The following DIP2C variants were observed in gnomAD, a reference collection of about 807,000 sequenced individuals.
The protein encoded by DIP2C is disco-interacting protein 2 homolog C.
In DIP2C, 33 loss-of-function variants were observed where a neutral mutation model predicts 192.4. The observed-to-expected ratio is 0.17, with a 90% CI of 0.13 to 0.23. The LOEUF (loss-of-function observed/expected upper bound fraction) is 0.23, where lower values mean the gene tolerates loss of function less well. Ranked by LOEUF, DIP2C falls within the 10% of genes least tolerant of loss-of-function variation. The probability of loss-of-function intolerance (pLI) is 1.00; values close to 1 mark genes in which losing one functional copy is unlikely to be tolerated. For missense variants in DIP2C, 1,537 were observed against 2,110.1 expected, an observed-to-expected ratio of 0.73 and a Z score of 5.32; for synonymous variants, 979 against 864.1, an observed-to-expected ratio of 1.13 and a Z score of -2.33.
chr10:440,494 C>T (rs181813507), intron 4 of DIP2C, among the ~76,000 whole-genome samples: 5 of 152,286 alleles, frequency 3.3e-5, no homozygotes, highest in African/African-American at 1.2e-4. Context: ...AACAATATAG[C>T]ACATTTATAT....
intron 35 of DIP2C, chr10:282,021 C>T (rs1410208633): frequency 1.3e-5 from 2 of 152,222 alleles, no homozygotes; most frequent in African/African-American, 4.8e-5. Flanking sequence ...AAAATAACAT[C>T]AGAGTTAAGT....
At chr10:288,923 G>T (rs893765397) in intron 32 of DIP2C, among the ~76,000 whole-genome samples, 2 of 152,192 alleles carry the variant, frequency 1.3e-5, no homozygotes, top group African/African-American at 4.8e-5. Flanking sequence ...ACTCAGAAAA[G>T]AAACTCTTAC....
chr10:607,593 A>G (rs901299578), intron 1 of DIP2C, among the ~76,000 whole-genome samples: 3 of 152,208 alleles, frequency 2.0e-5, no homozygotes, highest in African/African-American at 7.2e-5. Context: ...TCCTAAATAG[A>G]AAGTGCATTT....
chr10:662,225 C>A (rs1308317824), intron 1 of DIP2C: 1 of 662,450 alleles, frequency 1.5e-6, no homozygotes, highest in African/African-American at 1.8e-5. Flanking sequence ...TGCTCTCATT[C>A]CTGGGTTCCT....
intron 1 of DIP2C, among the ~76,000 whole-genome samples, chr10:532,650 TGAGAGAGAGTATGGGTGTGA>T (rs1847457782): frequency 2.1e-5 from 2 of 97,384 alleles, no homozygotes; most frequent in African/African-American, 1.1e-4. Flanking sequence ...AGTATGGGTG[TGAGAGAGAGTATGGGTGTGA>T]GAGAGAGTAT....
chr10:594,008 C>G (rs922760240), intron 1 of DIP2C, among the ~76,000 whole-genome samples: 3 of 152,200 alleles, frequency 2.0e-5, no homozygotes, highest in African/African-American at 7.2e-5. Flanking sequence ...GGAACCAGTG[C>G]CAACCAATTC....
chr10:292,478 T>C (rs1051742122), intron 32 of DIP2C, among the ~76,000 whole-genome samples: 3 of 152,100 alleles, frequency 2.0e-5, no homozygotes, highest in Admixed American at 6.5e-5. Context: ...AGATAGAGAG[T>C]TGACATGAGG....
intron 17 of DIP2C, chr10:369,927 C>G: frequency 7.8e-7 from 1 of 1,278,310 alleles, no homozygotes; most frequent in Non-Finnish European, 1.0e-6. Context: ...CACAGACCAG[C>G]TCTCTCTCCC....
intron 9 of DIP2C, among the ~76,000 whole-genome samples, chr10:399,689 AATG>A (rs1964263486): frequency 6.6e-6 from 1 of 152,114 alleles, no homozygotes; most frequent in African/African-American, 2.4e-5. Flanking sequence ...AAGTGAGAAT[AATG>A]ATAGAGCTGA....
rs1328702700 is a variant in DIP2C, at chr10:348,131, G to T, written c.3231+510C>A. 4.6e-5 allele frequency among the ~76,000 whole-genome samples: 7 copies of T among 152,382 alleles called. No individual in the cohort carries two copies. The East Asian group carries it at 1.3e-3, about 29-fold the overall frequency. On this transcript the variant is annotated intron_variant, in intron 26 of 36. Coordinates refer to ENST00000280886, the MANE Select transcript of DIP2C (RefSeq NM_014974.3). ...GGACCATGCCAAAAGGGACTCAGGTGTGGGTAGGACAGGTGCATTCTCTGC... is the reference window on the plus strand; with the variant it reads ...GGACCATGCCAAAAGGGACTCAGGTTTGGGTAGGACAGGTGCATTCTCTGC...
At chr10:393,826 G>GAAA (rs1203515501) in intron 10 of DIP2C, among the ~76,000 whole-genome samples, 1 of 110,644 alleles carries the variant, frequency 9.0e-6, no homozygotes, top group Non-Finnish European at 1.9e-5. Flanking sequence ...AAAGGAAAAG[G>GAAA]AAAAAAAAAA....
At chr10:564,220 C>T (rs1849350782) in intron 1 of DIP2C, among the ~76,000 whole-genome samples, 1 of 151,972 alleles carries the variant, frequency 6.6e-6, no homozygotes, top group Admixed American at 6.6e-5. Flanking sequence ...GTTCCCCCCA[C>T]CCCCGCACGT....
intron 9 of DIP2C, among the ~76,000 whole-genome samples, chr10:399,744 T>C (rs776363591): frequency 7.9e-5 from 12 of 152,198 alleles, no homozygotes; most frequent in Non-Finnish European, 1.5e-4. Context: ...AGAATGCACA[T>C]AGAGAACTCA....
At chr10:303,719 C>T (rs1337076344) in intron 32 of DIP2C, among the ~76,000 whole-genome samples, 1 of 152,096 alleles carries the variant, frequency 6.6e-6, no homozygotes, top group Non-Finnish European at 1.5e-5. Flanking sequence ...GACGGGGTTC[C>T]TCCATGTTGG....
chr10:581,009 A>G (rs1325226698), intron 1 of DIP2C, among the ~76,000 whole-genome samples: 1 of 152,206 alleles, frequency 6.6e-6, no homozygotes, highest in African/African-American at 2.4e-5. Context: ...GACTCACAGT[A>G]TTCTGGCAGA....
chr10:426,024 T>C (rs965805799), intron 4 of DIP2C, among the ~76,000 whole-genome samples: 3 of 152,122 alleles, frequency 2.0e-5, no homozygotes, highest in African/African-American at 7.2e-5. Flanking sequence ...GTGAAATAAA[T>C]TAACAAATTT....
rs572353622 is a variant in DIP2C, at chr10:298,139, G to A, written c.3987-9718C>T. Reference sequence around the variant, plus strand: ...CCCTAATATCCCCTTCCTGTCCCAGGATCCTACCCAGGATTCCACATGACA... The same window carrying A: ...CCCTAATATCCCCTTCCTGTCCCAGAATCCTACCCAGGATTCCACATGACA... On this transcript the variant is annotated intron_variant, in intron 32 of 36. Coordinates refer to ENST00000280886, the MANE Select transcript of DIP2C (RefSeq NM_014974.3). 1.1e-4 allele frequency among the ~76,000 whole-genome samples: 17 copies of A among 152,236 alleles called. No homozygotes were observed. The East Asian group carries it at 1.2e-3, about 10-fold the overall frequency.
rs150124546 is a variant in DIP2C at position 424,726 on chromosome 10, AC to A, written c.395-1694del. ...AAAGTAAAATTGACACAGCCTTGAGACTTTTGAGAAAGGTACACACCCAGGT... is the reference window on the plus strand; with the variant it reads ...AAAGTAAAATTGACACAGCCTTGAGATTTTGAGAAAGGTACACACCCAGGT... On this transcript the variant is annotated intron_variant, in intron 4 of 36. Transcript: ENST00000280886. 1.3e-3 allele frequency among the ~76,000 whole-genome samples: 196 copies of A among 152,304 alleles called. 2 individuals carry two copies. The highest frequency in any genetic ancestry group is 4.2e-3 in the African/African-American group (175 of 41,560).
intron 1 of DIP2C, among the ~76,000 whole-genome samples, chr10:672,812 T>A (rs1830713824): frequency 6.6e-6 from 1 of 152,184 alleles, no homozygotes; most frequent in Non-Finnish European, 1.5e-5. Context: ...CTGATGAAAC[T>A]AAACCCTGCC....
Sources: gnomAD v4.1 joint callset for allele counts (sites outside exome capture counted in the v4.1 genomes callset) on GRCh38, gnomAD v4.1.1 for gene constraint, MANE v1.5 for transcripts, NCBI Gene and HGNC (gene_info 2026-07-23, HGNC 2026-07-21) for gene names.